Variants in AUTS2 observed in about 807,000 individuals in gnomAD.
The protein encoded by AUTS2 is activator of transcription and developmental regulator AUTS2.
In AUTS2, 17 loss-of-function variants were observed where a neutral mutation model predicts 112.4. The observed-to-expected ratio is 0.15, with a 90% CI of 0.10 to 0.23. The LOEUF is 0.23. AUTS2 is among the 10% of genes least tolerant of loss of function. The pLI, the probability that AUTS2 is intolerant of heterozygous loss-of-function variation, is 1.00. For synonymous variants in AUTS2, 751 were observed against 702.7 expected, an observed-to-expected ratio of 1.07 and a Z score of -1.09; for missense variants, 1,510 against 1,701.6, an observed-to-expected ratio of 0.89 and a Z score of 1.98.
At chr7:69,716,047 A>G (rs1389927305) in intron 1 of AUTS2, among the ~76,000 whole-genome samples, 1 of 152,186 alleles carries the variant, frequency 6.6e-6, no homozygotes, top group Non-Finnish European at 1.5e-5. Flanking sequence ...CTATGGGGAA[A>G]TGGTCGCCAA....
chr7:69,715,375 C>G (rs1028438747), intron 1 of AUTS2, among the ~76,000 whole-genome samples: 1 of 152,096 alleles, frequency 6.6e-6, no homozygotes, highest in Non-Finnish European at 1.5e-5. Flanking sequence ...TTTTCTTAAC[C>G]AGAAGGCAAT....
At chr7:69,635,829 C>G (rs1434054474) in intron 1 of AUTS2, among the ~76,000 whole-genome samples, 1 of 152,254 alleles carries the variant, frequency 6.6e-6, no homozygotes, top group African/African-American at 2.4e-5. Context: ...TTCTCTATTG[C>G]TTACCTTGAG....
chr7:70,286,266 G>A (rs564637718), intron 4 of AUTS2, among the ~76,000 whole-genome samples: 1 of 152,168 alleles, frequency 6.6e-6, no homozygotes, highest in Non-Finnish European at 1.5e-5. Context: ...TCACCTGAGA[G>A]CAACAGGAAG....
chr7:70,607,291 A>G (rs1803834036), intron 5 of AUTS2, among the ~76,000 whole-genome samples: 1 of 152,190 alleles, frequency 6.6e-6, no homozygotes, highest in Non-Finnish European at 1.5e-5. Context: ...TCTTTTTAAA[A>G]TAAGTATGCC....
chr7:69,904,857 G>A (rs531175933), intron 2 of AUTS2, among the ~76,000 whole-genome samples: 2 of 152,298 alleles, frequency 1.3e-5, no homozygotes, highest in Admixed American at 1.3e-4. Flanking sequence ...GGGAATAAAA[G>A]ATTGGCTTAT....
At chr7:70,777,269 C>T (rs141563472) in intron 14 of AUTS2, 95 bp downstream of exon 14, 72 of 1,096,658 alleles carry the variant, frequency 6.6e-5, no homozygotes, top group Non-Finnish European at 9.6e-5. Context: ...ATTTAAAACA[C>T]ATTTTACAGA....
intron 5 of AUTS2, among the ~76,000 whole-genome samples, chr7:70,666,131 C>A (rs893225228): frequency 3.9e-5 from 6 of 152,186 alleles, no homozygotes. Flanking sequence ...GGATTCAAAT[C>A]CTGGACTCAC....
intron 1 of AUTS2, among the ~76,000 whole-genome samples, chr7:69,832,310 G>C (rs556234824): frequency 6.6e-6 from 1 of 152,310 alleles, no homozygotes; most frequent in East Asian, 1.9e-4. Flanking sequence ...TGGTGATTTT[G>C]AATATGGGAA....
intron 4 of AUTS2, among the ~76,000 whole-genome samples, chr7:70,159,598 A>G (rs1807967856): frequency 6.6e-6 from 1 of 152,216 alleles, no homozygotes; most frequent in Non-Finnish European, 1.5e-5. Flanking sequence ...GCTTTTTGTT[A>G]CATCATATTT....
intron 4 of AUTS2, among the ~76,000 whole-genome samples, chr7:70,351,136 C>T (rs562514861): frequency 1.6e-4 from 24 of 151,838 alleles, no homozygotes; most frequent in Non-Finnish European, 2.9e-4. Context: ...CTGCAACCTC[C>T]GCCTTCCAGG....
At chr7:70,655,741 A>G (rs770878375) in intron 5 of AUTS2, among the ~76,000 whole-genome samples, 2 of 152,200 alleles carry the variant, frequency 1.3e-5, no homozygotes, top group Non-Finnish European at 2.9e-5. Flanking sequence ...CACATGCCAC[A>G]TCAGGGTTCT....
chr7:70,286,129 A>C (rs1788447289), intron 4 of AUTS2, among the ~76,000 whole-genome samples: 1 of 152,194 alleles, frequency 6.6e-6, no homozygotes, highest in African/African-American at 2.4e-5. Flanking sequence ...ATAGAGGATG[A>C]GCAAAATGTT....
At chr7:70,178,206 T>C (rs962728846) in intron 4 of AUTS2, among the ~76,000 whole-genome samples, 4 of 152,112 alleles carry the variant, frequency 2.6e-5, no homozygotes, top group African/African-American at 9.7e-5. Flanking sequence ...CCGTGAAGAG[T>C]GAATGTCCCT....
At chr7:70,332,408 A>G (rs896513234) in intron 4 of AUTS2, among the ~76,000 whole-genome samples, 13 of 152,206 alleles carry the variant, frequency 8.5e-5, no homozygotes, top group African/African-American at 2.4e-4. Flanking sequence ...TATAGATTCA[A>G]TGTTATCCCT....
intron 5 of AUTS2, among the ~76,000 whole-genome samples, chr7:70,447,324 G>A (rs1796357754): frequency 6.6e-6 from 1 of 152,196 alleles, no homozygotes; most frequent in African/African-American, 2.4e-5. Flanking sequence ...CAAAGGTTCT[G>A]TAACTTACAT....
At chr7:70,282,757 GT>G (rs1169377898) in intron 4 of AUTS2, among the ~76,000 whole-genome samples, 2 of 152,146 alleles carry the variant, frequency 1.3e-5, no homozygotes, top group Admixed American at 1.3e-4. Flanking sequence ...GCTGATAGAA[GT>G]AATGTGAAAT....
chr7:69,821,142 G>T (rs1391292815), intron 1 of AUTS2, among the ~76,000 whole-genome samples: 1 of 152,182 alleles, frequency 6.6e-6, no homozygotes, highest in Non-Finnish European at 1.5e-5. Context: ...TGTATAAAGT[G>T]CTGTGTGTAT....
At chr7:70,022,571 T>C (rs1017147523) in intron 2 of AUTS2, among the ~76,000 whole-genome samples, 4 of 152,172 alleles carry the variant, frequency 2.6e-5, no homozygotes, top group Non-Finnish European at 5.9e-5. Context: ...TCTGCCCCCA[T>C]TGGCCTTCCA....
intron 5 of AUTS2, among the ~76,000 whole-genome samples, chr7:70,469,608 T>A (rs1797299332): frequency 1.3e-5 from 2 of 152,148 alleles, no homozygotes; most frequent in South Asian, 4.1e-4. Context: ...ATATAATTGA[T>A]AAGATCCGAC....
Sources: allele counts gnomAD v4.1 joint callset (sites outside exome capture counted in the v4.1 genomes callset), GRCh38; gene constraint gnomAD v4.1.1; transcripts MANE v1.5; gene names NCBI Gene and HGNC (gene_info 2026-07-23, HGNC 2026-07-21).